The following CHD9 variants were observed in gnomAD, a reference collection of about 807,000 sequenced individuals.
CHD9 encodes ATP-dependent chromatin remodeler CHD9.
CHD9 carries 77 observed loss-of-function variants against 316.1 expected under a neutral mutation model. The ratio of observed to expected loss-of-function variants is 0.24; its 90% CI spans 0.20 to 0.29. The LOEUF is 0.29. CHD9 is among the 10% of genes least tolerant of loss of function. The pLI is 1.00. For synonymous variants in CHD9, 1,129 were observed against 1,158.3 expected (o/e 0.97, Z 0.51); for missense variants, 2,763 against 3,438.1 (o/e 0.80, Z 4.91).
intron 1 of CHD9, among the ~76,000 whole-genome samples, chr16:53,141,915 T>C (rs893471895): frequency 3.9e-5 from 6 of 151,954 alleles, no homozygotes; most frequent in African/African-American, 1.5e-4. Context: ...TTAATGGAGG[T>C]GTGAGAAAGT....
chr16:53,114,970 A>G (rs1231456905), intron 1 of CHD9, among the ~76,000 whole-genome samples: 3 of 152,234 alleles, frequency 2.0e-5, no homozygotes, highest in Non-Finnish European at 2.9e-5. Flanking sequence ...CTACAGCTAA[A>G]TGAAGGGATT....
chr16:53,304,686 T>C, intron 31 of CHD9, 61 bp downstream of exon 31: 1 of 1,018,476 alleles, frequency 9.8e-7, no homozygotes, highest in Non-Finnish European at 1.3e-6. Context: ...TTCTTTTCTT[T>C]TCTTTTCTTT....
intron 4 of CHD9, among the ~76,000 whole-genome samples, chr16:53,225,469 T>C (rs1461415944): frequency 2.0e-5 from 3 of 152,176 alleles, no homozygotes; most frequent in Non-Finnish European, 4.4e-5. Flanking sequence ...CCAAAAGAGA[T>C]GTAACTTTGT....
At chr16:53,145,643 T>C (rs1001670343) in intron 1 of CHD9, among the ~76,000 whole-genome samples, 6 of 151,816 alleles carry the variant, frequency 4.0e-5, no homozygotes, top group Admixed American at 1.3e-4. Context: ...GAGGCAGAAG[T>C]TGCAGTGAGC....
intron 19 of CHD9, among the ~76,000 whole-genome samples, chr16:53,259,509 G>A (rs112865194): frequency 5.9e-5 from 9 of 151,726 alleles, no homozygotes; most frequent in African/African-American, 2.2e-4. Context: ...TTTTGTTGTT[G>A]GGTTTTTGTT....
intron 11 of CHD9, among the ~76,000 whole-genome samples, chr16:53,235,879 G>A (rs1232476150): frequency 1.3e-5 from 2 of 152,120 alleles, no homozygotes; most frequent in African/African-American, 4.8e-5. Context: ...AAATGTTACT[G>A]CGATTGAGAA....
chr16:53,220,948 C>T (rs2047183165), intron 3 of CHD9, among the ~76,000 whole-genome samples: 1 of 152,136 alleles, frequency 6.6e-6, no homozygotes, highest in African/African-American at 2.4e-5. Flanking sequence ...TCTGTAAAGC[C>T]CCCTTTACTC....
At chr16:53,262,676 G>T (rs1452526262) in intron 19 of CHD9, among the ~76,000 whole-genome samples, 3 of 152,082 alleles carry the variant, frequency 2.0e-5, no homozygotes, top group Non-Finnish European at 4.4e-5. Flanking sequence ...TAATGGTCTT[G>T]TAATGTTTTT....
intron 2 of CHD9, among the ~76,000 whole-genome samples, chr16:53,166,095 C>G (rs1300340091): frequency 6.6e-6 from 1 of 152,096 alleles, no homozygotes; most frequent in Non-Finnish European, 1.5e-5. Flanking sequence ...AAGTGGACTA[C>G]TTCTTGGTTT....
At chr16:53,256,519 C>T (rs1335365370) in intron 19 of CHD9, among the ~76,000 whole-genome samples, 1 of 149,608 alleles carries the variant, frequency 6.7e-6, no homozygotes, top group Non-Finnish European at 1.5e-5. Flanking sequence ...GACGGGGTTT[C>T]GCCATGTTAG....
intron 2 of CHD9, among the ~76,000 whole-genome samples, chr16:53,168,338 C>T (rs1007714040): frequency 6.6e-6 from 1 of 152,128 alleles, no homozygotes; most frequent in African/African-American, 2.4e-5. Flanking sequence ...GCTGAGATTA[C>T]AGGCATGAGC....
At chr16:53,073,184 T>C (rs2034252087) in intron 1 of CHD9, among the ~76,000 whole-genome samples, 1 of 152,242 alleles carries the variant, frequency 6.6e-6, no homozygotes. Context: ...GCTGTGTGTC[T>C]CTATGAATTT....
chr16:53,068,236 T>G (rs2033696566), intron 1 of CHD9, among the ~76,000 whole-genome samples: 1 of 152,130 alleles, frequency 6.6e-6, no homozygotes, highest in Non-Finnish European at 1.5e-5. Context: ...AACAGGCACA[T>G]AGTAGTCCTC....
chr16:53,289,492 G>A (rs1017896786), intron 27 of CHD9, among the ~76,000 whole-genome samples: 1 of 152,166 alleles, frequency 6.6e-6, no homozygotes, highest in African/African-American at 2.4e-5. Flanking sequence ...ATAAGACACA[G>A]TTCATAAAGG....
chr16:53,167,718 G>GTGTATAT, intron 2 of CHD9, among the ~76,000 whole-genome samples: 1 of 147,208 alleles, frequency 6.8e-6, no homozygotes, highest in Non-Finnish European at 1.5e-5. Flanking sequence ...ATCATATATA[G>GTGTATAT]CTATCTAAGG....
chr16:53,178,686 C>T (rs2043264659), intron 2 of CHD9, among the ~76,000 whole-genome samples: 1 of 152,128 alleles, frequency 6.6e-6, no homozygotes, highest in Non-Finnish European at 1.5e-5. Flanking sequence ...TTATCTTGAA[C>T]TCCTGGGCTC....
chr16:53,142,872 C>G (rs1477845153), intron 1 of CHD9, among the ~76,000 whole-genome samples: 1 of 152,132 alleles, frequency 6.6e-6, no homozygotes, highest in Admixed American at 6.5e-5. Context: ...GCTGGGAAGT[C>G]CAAGGTCAAG....
At position 53,326,496 on chromosome 16, in the gene CHD9, C is replaced by A. The variant is rs1321167973; in HGVS notation, c.*1601C>A. ...AATTATGTTTCTGTATGTAAAATAA[C>A]CCCTTATTAGAGAGACAGTGTTATA... is the stretch of plus-strand genomic sequence containing the variant. On this transcript the variant is annotated 3_prime_UTR_variant, in exon 39 of 39. Coordinates refer to ENST00000447540, the MANE Select transcript of CHD9 (RefSeq NM_001308319.2). The A allele has an allele frequency of 6.6e-6, 1 of 152,370 alleles. No homozygotes were observed. Among genetic ancestry groups the A allele is most frequent in the Non-Finnish European group, 1.5e-5 (1 of 67,890 alleles). The allele number at this position is 152,370 out of a possible 1,614,324, so 9.4% of individuals were successfully genotyped here.
Position 53,156,980 on chromosome 16 carries a change from T to C in CHD9, c.891T>C (p.His297=). The change falls in exon 2 of 39, where the codon CAT becomes CAC. Residue 297 remains histidine, a synonymous_variant. Coordinates refer to ENST00000447540, the MANE Select transcript of CHD9 (RefSeq NM_001308319.2). The stretch of plus-strand genomic sequence containing the variant: ...CCTCTGCAGTTCTTGCATCTAATCA[T>C]ACAAATCAGACTTTATCTGATTTTA... ...LQSSAVLASN[H]TNQTLSDFTG... The C allele has an allele frequency of 1.9e-6, 3 of 1,612,624 alleles. No individual in the cohort carries two copies. Among genetic ancestry groups the C allele is most frequent in the Non-Finnish European group, 2.5e-6 (3 of 1,179,078 alleles).
Sources: allele counts gnomAD v4.1 joint callset (sites outside exome capture counted in the v4.1 genomes callset), GRCh38; gene constraint gnomAD v4.1.1; transcripts MANE v1.5; gene names NCBI Gene and HGNC (gene_info 2026-07-23, HGNC 2026-07-21).